PRAM1: variants seen among roughly 807,000 people sequenced by gnomAD.
The protein encoded by PRAM1 is PML-RARA regulated adaptor molecule 1.
A neutral mutation model predicts 55.3 loss-of-function variants in PRAM1; 41 were observed. That is an observed-to-expected ratio of 0.74 (90% CI 0.58 to 0.96). PRAM1 has a LOEUF of 0.96. Among genes scored for constraint, PRAM1 ranks in the 40% least tolerant of loss-of-function variants. The pLI, the probability that PRAM1 is intolerant of heterozygous loss-of-function variation, is 0.00. For synonymous variants in PRAM1, 401 were observed against 387.1 expected, an observed-to-expected ratio of 1.04 and a Z score of -0.42; for missense variants, 898 against 892.7, an observed-to-expected ratio of 1.01 and a Z score of -0.08.
chr19:8,490,279 G>T lies in PRAM1; in HGVS notation c.1976-53C>A. 1 of 1,613,444 alleles carries T rather than the reference G, an allele frequency of 6.2e-7. No homozygotes were observed. Among genetic ancestry groups the T allele is most frequent in the Non-Finnish European group, 8.5e-7 (1 of 1,179,642 alleles). On this transcript the variant is annotated intron_variant, in intron 9 of 9. Transcript: ENST00000423345. This position sits in a 1 kb window ranked among gnomAD's most constrained non-coding sequence, Gnocchi z 7.3. ...CCCCTCTCCCCAGAAGCCCAATAGT[G>T]AGCAGCGCCCCCGGGGAATCGCCAG...
In PRAM1 at chr19:8,491,116, G is replaced by C; in HGVS notation, c.1618C>G (p.Gln540Glu). 6.2e-7 allele frequency: 1 copy of C among 1,612,006 alleles called. No individual in the cohort carries two copies. The highest frequency in any genetic ancestry group is 8.5e-7 in the Non-Finnish European group (1 of 1,179,672). Reference sequence around the variant, plus strand: ...CCATGGCACCTGAGCGCTGGGTCTTGTGGTGGCCTCCTGGCGGCTTGCTGA... The same window carrying C: ...CCATGGCACCTGAGCGCTGGGTCTTCTGGTGGCCTCCTGGCGGCTTGCTGA... The part of the protein sequence containing the change: ...SVQQAARRPP[Q>E]DPALRKEKDP... The change falls in exon 5 of 10, where the codon CAA (glutamine) becomes GAA (glutamate). Residue 540 changes from glutamine (Q) to glutamate (E), a missense_variant. Around this residue, in one of 4 missense-constraint regions of PRAM1, gnomAD observed 787 missense variants for 735.4 expected, o/e 1.07. Transcript: ENST00000423345.
In PRAM1 at chr19:8,498,246, G is replaced by T; in HGVS notation, c.1476C>A (p.Asp492Glu). ...TRSAAGLHFQ[D>E]RQPEDIPQVP... ...ACTGCGGGATGTCTTCAGGCTGTCG[G>T]TCCTGGAAGTGGAGCCCAGCGGCCG... Residue 492 changes from aspartate (D) to glutamate (E), a missense_variant, in exon 3 of 10, where the codon GAC (aspartate) becomes GAA (glutamate). Physicochemically the swap from Asp to Glu is conservative, Grantham distance 45. Coordinates refer to ENST00000423345, the MANE Select transcript of PRAM1 (RefSeq NM_032152.5). The T allele has an allele frequency of 6.2e-7, 1 of 1,612,834 alleles. No homozygotes were observed. The highest frequency in any genetic ancestry group is 8.5e-7 in the Non-Finnish European group (1 of 1,179,594).
chr19:8,499,265 G>A lies in PRAM1; in HGVS notation c.543C>T (p.Ser181=), dbSNP rs763637457. 4 of 1,610,500 alleles carry A rather than the reference G, an allele frequency of 2.5e-6. No homozygotes were observed. Among genetic ancestry groups the A allele is most frequent in the Middle Eastern group, 1.7e-4 (1 of 6,058 alleles). ...TGGGGAATGCGCCGGATTTGGGTTCGGAGGGGGGTCTGGCGGGGTGACTGA... is the reference window on the plus strand; with the variant it reads ...TGGGGAATGCGCCGGATTTGGGTTCAGAGGGGGGTCTGGCGGGGTGACTGA... The part of the protein sequence containing the change: ...DELSHPARPP[S]EPKSGAFPRK... The change falls in exon 2 of 10, where the codon TCC becomes TCT. Residue 181 remains serine (S), a synonymous_variant. Coordinates refer to ENST00000423345, the MANE Select transcript of PRAM1 (RefSeq NM_032152.5).
chr19:8,501,122 G>A (rs1032476557), intron 1 of PRAM1, among the ~76,000 whole-genome samples: 9 of 137,754 alleles, frequency 6.5e-5, no homozygotes, highest in African/African-American at 1.9e-4. Context: ...TTTTTGAGAC[G>A]GAGTCTCACT....
In PRAM1 at chr19:8,498,363, C is replaced by T. The variant is rs1444615301; in HGVS notation, c.1432+13G>A. 3 of 1,583,158 alleles carry T rather than the reference C, an allele frequency of 1.9e-6. No homozygotes were observed. The highest frequency in any genetic ancestry group is 2.6e-6 in the Non-Finnish European group (3 of 1,164,822). ...AGCCCCCGCTCCTGCCGGTGCCGCC[C>T]GCCCTCACCCACCTATGGATGCTGC... On this transcript the variant is annotated intron_variant, in intron 2 of 9. Transcript: ENST00000423345.
At chr19:8,494,095 G>A (rs1427324290) in intron 4 of PRAM1, among the ~76,000 whole-genome samples, 1 of 152,160 alleles carries the variant, frequency 6.6e-6, no homozygotes, top group African/African-American at 2.4e-5. Context: ...ACCGCGCCCG[G>A]CCCCTTTTTT....
Position 8,497,818 on chromosome 19 carries a change from G to A in PRAM1, c.1522C>T (p.Leu508=), listed in dbSNP as rs576624724. 5.5e-5 allele frequency: 88 copies of A among 1,610,504 alleles called. No homozygotes were observed. The Middle Eastern group carries it at 8.5e-4, about 16-fold the overall frequency. The change falls in exon 4 of 10, where the codon CTG becomes TTG. Residue 508 remains leucine, a synonymous_variant. Coordinates refer to ENST00000423345, the MANE Select transcript of PRAM1 (RefSeq NM_032152.5). The part of the protein sequence containing the change: ...IPQVPDEIYE[L]YDDVEPRDDS... ...TCTCTGGGTTCCACATCGTCATACA[G>A]CTCGTAGATCTCATCTGGGACCCTG...
rs1971655105 is a variant in PRAM1 at position 8,493,349 on chromosome 19, A to G, written c.1577-2192T>C. ...CCAGATACCAGGCATGGCCATCCACAGTCTCACCTGGAACACACAGCCCCT... is the reference window on the plus strand; with the variant it reads ...CCAGATACCAGGCATGGCCATCCACGGTCTCACCTGGAACACACAGCCCCT... On this transcript the variant is annotated intron_variant, in intron 4 of 9. Transcript: ENST00000423345. This position sits in a 1 kb window ranked among gnomAD's most constrained non-coding sequence, Gnocchi z 4.1. Among the ~76,000 whole-genome samples the G allele has an allele frequency of 6.6e-6, 1 of 152,152 alleles. No homozygotes were observed. Among genetic ancestry groups the G allele is most frequent in the Non-Finnish European group, 1.5e-5 (1 of 68,014 alleles).
At position 8,490,975 on chromosome 19, in the gene PRAM1, G is replaced by C; in HGVS notation, c.1655C>G (p.Pro552Arg). The C allele has an allele frequency of 6.2e-7, 1 of 1,613,460 alleles. No homozygotes were observed. The highest frequency in any genetic ancestry group is 8.5e-7 in the Non-Finnish European group (1 of 1,179,894). ...TGGGTCCATGGGTGGCAACTGCTGT[G>C]GCTGGGGATCCTTCTCCTTCCTGAT... Reference protein sequence around the residue: ...PALRKEKDPQPQQLPPMDPKL... With the variant: ...PALRKEKDPQRQQLPPMDPKL... Residue 552 changes from proline (P) to arginine (R), a missense_variant, in exon 6 of 10, where the codon CCA becomes CGA. By Grantham distance (103) the Pro-to-Arg change is moderately radical. Transcript: ENST00000423345. The surrounding 1 kb of genome is among the most constrained non-coding windows in gnomAD (Gnocchi z 7.3).
intron 4 of PRAM1, among the ~76,000 whole-genome samples, chr19:8,494,864 A>G (rs1484382358): frequency 1.3e-5 from 2 of 150,816 alleles, no homozygotes; most frequent in Non-Finnish European, 1.5e-5. Flanking sequence ...AACTCTTGAC[A>G]TCAGGCAATC....
Position 8,490,070 on chromosome 19 carries a change from G to T in PRAM1, c.*119C>A. On this transcript the variant is annotated 3_prime_UTR_variant, in exon 10 of 10. Transcript: ENST00000423345. This position sits in a 1 kb window ranked among gnomAD's most constrained non-coding sequence, Gnocchi z 7.3. Reference sequence around the variant, plus strand: ...GAAGCAGGGACTGCTTTAAACTGGGGCTTTATGTGGCCAGGTACAAGCCCA... The same window carrying T: ...GAAGCAGGGACTGCTTTAAACTGGGTCTTTATGTGGCCAGGTACAAGCCCA... The T allele has an allele frequency of 2.0e-6, 2 of 995,402 alleles. No homozygotes were observed. Among genetic ancestry groups the T allele is most frequent in the Non-Finnish European group, 2.9e-6 (2 of 688,320 alleles). 61.7% of individuals were successfully genotyped at this position (995,402 alleles called of 1,614,324 possible).
chr19:8,496,811 G>A (rs1426077308), intron 4 of PRAM1, among the ~76,000 whole-genome samples: 4 of 152,118 alleles, frequency 2.6e-5, no homozygotes, highest in Non-Finnish European at 4.4e-5. Context: ...GCCAAGGCAG[G>A]TGGATCACGA....
intron 1 of PRAM1, among the ~76,000 whole-genome samples, chr19:8,501,686 C>T (rs1453037634): frequency 1.3e-5 from 2 of 152,068 alleles, no homozygotes; most frequent in African/African-American, 2.4e-5. Context: ...CAGCCATGTA[C>T]TCAGCCTGAC....
rs1048943577 is a variant in PRAM1 at position 8,499,202 on chromosome 19, C to T, written c.606G>A (p.Pro202=). The change falls in exon 2 of 10, where the codon CCG becomes CCA. Residue 202 remains proline, a synonymous_variant. Transcript: ENST00000423345. ...LWQPEAGEAT[P]RSPQPELSTF... is the part of the protein sequence containing the mutation. ...TACTCAACTCAGGCTGCGGGGACCT[C>T]GGGGTAGCCTCACCGGCCTCGGGTT... 1.2e-6 allele frequency: 2 copies of T among 1,613,598 alleles called. No homozygotes were observed.
At chr19:8,502,457 A>ACCCCCTGGCCCCCCCC in intron 1 of PRAM1, 108 bp downstream of exon 1, 1 of 469,352 alleles carries the variant, frequency 2.1e-6, no homozygotes, top group Non-Finnish European at 3.8e-6. Context: ...TTTCGCAGCC[A>ACCCCCTGGCCCCCCCC]CCCCCCGCCC....
intron 4 of PRAM1, among the ~76,000 whole-genome samples, chr19:8,496,957 C>A (rs955116934): frequency 6.6e-6 from 1 of 151,988 alleles, no homozygotes; most frequent in Non-Finnish European, 1.5e-5. Context: ...ACCCGGGAGG[C>A]GGAGCTTGCA....
rs80320474 is a variant in PRAM1 at position 8,500,005 on chromosome 19, C to T, written c.28-225G>A. ...TGATTCCACACCCAACCTCCTCTAG[C>T]AGCACTGGAGATCCCGACATCCCTC... On this transcript the variant is annotated intron_variant, in intron 1 of 9. Coordinates refer to ENST00000423345, the MANE Select transcript of PRAM1 (RefSeq NM_032152.5). Among the ~76,000 whole-genome samples, 20 of 152,090 alleles carry T rather than the reference C, an allele frequency of 1.3e-4. No homozygotes were observed. In the East Asian group the frequency reaches 3.7e-3, roughly 28 times the overall value.
chr19:8,502,464 G>T (rs1025200033), intron 1 of PRAM1, 101 bp downstream of exon 1: 3 of 216,454 alleles, frequency 1.4e-5, no homozygotes, highest in African/African-American at 6.1e-5. Flanking sequence ...GCCACCCCCC[G>T]CCCCCCCGCC....
chr19:8,496,819 C>T (rs1295201015), intron 4 of PRAM1, among the ~76,000 whole-genome samples: 1 of 151,990 alleles, frequency 6.6e-6, no homozygotes, highest in Non-Finnish European at 1.5e-5. Context: ...AGGTGGATCA[C>T]GAGGTCAGGA....
Sources: gnomAD v4.1 joint callset for allele counts (sites outside exome capture counted in the v4.1 genomes callset) on GRCh38, gnomAD v4.1.1 for gene constraint, gnomAD v4.1.1 regional missense constraint, Gnocchi (gnomAD v3.1) non-coding constraint, MANE v1.5 for transcripts, NCBI Gene and HGNC (gene_info 2026-07-23, HGNC 2026-07-21) for gene names.